Variants in ZMYND8 observed in about 807,000 individuals in gnomAD.
ZMYND8 encodes zinc finger MYND-type containing 8.
Under a neutral mutation model 140.8 loss-of-function variants are expected in ZMYND8, and 37 were observed. That is an observed-to-expected ratio of 0.26 (90% confidence interval 0.20 to 0.35). The LOEUF is 0.35. ZMYND8 is among the 10% of genes least tolerant of loss of function. The probability of loss-of-function intolerance (pLI) is 1.00; values close to 1 mark genes in which losing one functional copy is unlikely to be tolerated. For synonymous variants in ZMYND8, 592 were observed against 597.1 expected, an observed-to-expected ratio of 0.99 and a Z score of 0.12; for missense variants, 1,068 against 1,570.0, an observed-to-expected ratio of 0.68 and a Z score of 5.40.
At chr20:47,255,722 GTATATATATATATATATATATATA>G (rs369654557) in intron 12 of ZMYND8, among the ~76,000 whole-genome samples, 886 of 77,742 alleles carry the variant, frequency 0.011, 29 homozygotes, top group Middle Eastern at 0.016. Flanking sequence ...GTGTATGTGT[GTATATATATATATATATATATATA>G]TATATATATA....
intron 12 of ZMYND8, among the ~76,000 whole-genome samples, chr20:47,249,645 G>A (rs542299776): frequency 1.4e-5 from 2 of 142,338 alleles, no homozygotes; most frequent in East Asian, 4.1e-4. Flanking sequence ...CGTTTGGCAG[G>A]TTTAAACAGT....
chr20:47,216,856 TTAA>T (rs2036201701), intron 21 of ZMYND8, among the ~76,000 whole-genome samples: 2 of 152,014 alleles, frequency 1.3e-5, no homozygotes, highest in Admixed American at 6.6e-5. Flanking sequence ...ACAAAAAGTA[TTAA>T]TAAAAGAAAA....
rs1239389092 is a variant in ZMYND8, at chr20:47,221,358, T to C, written c.3373A>G (p.Lys1125Glu). The change falls in exon 20 of 23, where the codon AAA becomes GAA. Residue 1125 changes from lysine to glutamate, a missense_variant. Physicochemically the swap from Lys to Glu is moderately conservative, Grantham distance 56. Around this residue, in one of 10 missense-constraint regions of ZMYND8, gnomAD observed 180 missense variants for 187.8 expected, o/e 0.96. Transcript: ENST00000471951. Reference protein sequence around the residue: ...SAPSETASASKEKETSAEKSK... With the variant: ...SAPSETASASEEKETSAEKSK... ...TTCTCAGCTGACGTCTCCTTCTCTTTGGAGGCGCTGGCCGTTTCTGAAGGT... is the reference window on the plus strand; with the variant it reads ...TTCTCAGCTGACGTCTCCTTCTCTTCGGAGGCGCTGGCCGTTTCTGAAGGT... 1 of 1,614,092 alleles carries C rather than the reference T, an allele frequency of 6.2e-7. No homozygotes were observed. The highest frequency in any genetic ancestry group is 8.5e-7 in the Non-Finnish European group (1 of 1,180,038).
chr20:47,225,587 GGAAGGGGAA>G (rs2037579427), intron 18 of ZMYND8, among the ~76,000 whole-genome samples: 10 of 77,314 alleles, frequency 1.3e-4, no homozygotes, highest in African/African-American at 4.0e-4. Flanking sequence ...GGGAGGGGAA[GGAAGGGGAA>G]GGAGGGGATG....
chr20:47,270,145 C>A (rs947155249), intron 11 of ZMYND8, among the ~76,000 whole-genome samples: 9 of 150,686 alleles, frequency 6.0e-5, no homozygotes, highest in South Asian at 2.1e-4. Context: ...GCTGAGGCAG[C>A]GGGGACTGCT....
intron 10 of ZMYND8, among the ~76,000 whole-genome samples, chr20:47,277,492 C>T (rs946247499): frequency 6.6e-6 from 1 of 152,200 alleles, no homozygotes; most frequent in African/African-American, 2.4e-5. Flanking sequence ...ACCGCTGCTG[C>T]GGGTGACCAC....
intron 3 of ZMYND8, among the ~76,000 whole-genome samples, chr20:47,301,115 AAAGT>A (rs762830142): frequency 6.6e-6 from 1 of 151,878 alleles, no homozygotes; most frequent in African/African-American, 2.4e-5. Flanking sequence ...TCATTTCTGC[AAAGT>A]AAGTAGCTAA....
chr20:47,246,610 A>G (rs1601221353), intron 13 of ZMYND8, 93 bp from the exon 14 acceptor site: 1 of 1,480,368 alleles, frequency 6.8e-7, no homozygotes, highest in East Asian at 2.3e-5. Context: ...AAATGCTGGA[A>G]TAAGAAAAGC....
intron 21 of ZMYND8, 131 bp downstream of exon 21, chr20:47,220,127 G>A (rs1040600953): frequency 6.9e-6 from 4 of 582,690 alleles, no homozygotes; most frequent in South Asian, 4.3e-5. Flanking sequence ...ACCCACCCCA[G>A]GCACCCCTAA....
chr20:47,350,201 A>G (rs1170584792), intron 1 of ZMYND8, among the ~76,000 whole-genome samples: 2 of 152,134 alleles, frequency 1.3e-5, no homozygotes, highest in Non-Finnish European at 2.9e-5. Context: ...TAAGAAAACC[A>G]TCTTTTTCAC....
intron 2 of ZMYND8, among the ~76,000 whole-genome samples, chr20:47,316,972 G>A (rs910803745): frequency 1.3e-5 from 2 of 152,110 alleles, no homozygotes; most frequent in African/African-American, 2.4e-5. Context: ...GGCCAGAGCA[G>A]TACTGGGATT....
At chr20:47,328,032 G>A (rs1351390207) in intron 2 of ZMYND8, among the ~76,000 whole-genome samples, 1 of 152,008 alleles carries the variant, frequency 6.6e-6, no homozygotes, top group Non-Finnish European at 1.5e-5. Flanking sequence ...GGCTGGTCTT[G>A]AACTCCCGGG....
intron 2 of ZMYND8, among the ~76,000 whole-genome samples, chr20:47,328,513 G>A (rs190636839): frequency 5.9e-4 from 90 of 152,168 alleles, no homozygotes; most frequent in African/African-American, 2.0e-3. Context: ...GTCCAAGCTG[G>A]AGTGCAGTGG....
chr20:47,273,756 C>T (rs2076098122), intron 11 of ZMYND8, among the ~76,000 whole-genome samples: 1 of 152,150 alleles, frequency 6.6e-6, no homozygotes, highest in Non-Finnish European at 1.5e-5. Flanking sequence ...GCTCAGCCTC[C>T]TCAGTAGCTG....
In ZMYND8 at chr20:47,286,245, T is replaced by G. The variant is rs576656472; in HGVS notation, c.804+984A>C. ...CAGTCTGGAGTGTAGTGGTGCTATC[T>G]TGGCTCACTGCAACCTCTGCCTCCC... On this transcript the variant is annotated intron_variant, in intron 8 of 22. Transcript: ENST00000471951. Among the ~76,000 whole-genome samples, 15 of 152,076 alleles carry G rather than the reference T, an allele frequency of 9.9e-5. No individual in the cohort carries two copies. The East Asian group carries it at 2.9e-3, about 29-fold the overall frequency.
At chr20:47,255,634 A>G (rs2074562120) in intron 12 of ZMYND8, among the ~76,000 whole-genome samples, 1 of 139,844 alleles carries the variant, frequency 7.2e-6, no homozygotes, top group Non-Finnish European at 1.5e-5. Flanking sequence ...TATACTCAGT[A>G]TATATATACC....
chr20:47,271,064 G>A (rs2075912511), intron 11 of ZMYND8, among the ~76,000 whole-genome samples: 1 of 151,966 alleles, frequency 6.6e-6, no homozygotes, highest in Admixed American at 6.6e-5. Flanking sequence ...ACGACAGAGT[G>A]AGACTCCGTC....
intron 2 of ZMYND8, among the ~76,000 whole-genome samples, chr20:47,333,564 A>G (rs1028826580): frequency 6.6e-6 from 1 of 151,992 alleles, no homozygotes; most frequent in African/African-American, 2.4e-5. Flanking sequence ...CGTCTCTACT[A>G]AACATACAAA....
intron 2 of ZMYND8, among the ~76,000 whole-genome samples, chr20:47,341,325 G>A (rs915472581): frequency 1.4e-4 from 21 of 151,674 alleles, no homozygotes; most frequent in African/African-American, 4.1e-4. Flanking sequence ...TCAGGAGTTC[G>A]AGACTAGCCT....
Sources: gnomAD v4.1 joint callset for allele counts (sites outside exome capture counted in the v4.1 genomes callset) on GRCh38, gnomAD v4.1.1 for gene constraint, gnomAD v4.1.1 regional missense constraint, MANE v1.5 for transcripts, NCBI Gene and HGNC (gene_info 2026-07-23, HGNC 2026-07-21) for gene names.